Variants in RMC1 observed in about 807,000 individuals in gnomAD.
RMC1 encodes the protein regulator of MON1-CCZ1.
In RMC1, 44 loss-of-function variants were observed where a neutral mutation model predicts 95.5. The ratio of observed to expected loss-of-function variants is 0.46; its 90% CI spans 0.36 to 0.59. The LOEUF is 0.59. Ranked by LOEUF, RMC1 falls within the 20% of genes least tolerant of loss-of-function variation. The probability of loss-of-function intolerance (pLI) is 0.00; values close to 1 mark genes in which losing one functional copy is unlikely to be tolerated. For missense variants in RMC1, 705 were observed against 819.6 expected (o/e 0.86, Z 1.71); for synonymous variants, 320 against 303.6 (o/e 1.05, Z -0.56).
chr18:23,529,850 A>T, intron 16 of RMC1, 138 bp downstream of exon 16: 1 of 1,048,400 alleles, frequency 9.5e-7, no homozygotes, highest in South Asian at 1.5e-5. Context: ...TCCTGACATT[A>T]TTAGTTGGAA....
rs771012601 is a variant in RMC1, at chr18:23,503,726, G to T, written c.102+6G>T. Reference sequence around the variant, plus strand: ...TCGATGAGGCCAACAAGCAGGTCCGGCGCGCCCGCGCTTCCTCCCCCGCGC... The same window carrying T: ...TCGATGAGGCCAACAAGCAGGTCCGTCGCGCCCGCGCTTCCTCCCCCGCGC... On this transcript the variant is annotated splice_donor_region_variant and intron_variant, in intron 1 of 19. Transcript: ENST00000269221. The T allele has an allele frequency of 8.8e-6, 14 of 1,583,794 alleles. No individual in the cohort carries two copies. In the South Asian group the frequency reaches 1.1e-4, roughly 13 times the overall value.
At position 23,522,004 on chromosome 18, in the gene RMC1, C is replaced by T. The variant is rs76257976; in HGVS notation, c.961+1691C>T. On this transcript the variant is annotated intron_variant, in intron 10 of 19. Coordinates refer to ENST00000269221, the MANE Select transcript of RMC1 (RefSeq NM_013326.5). ...TAGTAGTAATGTTTTATTCTTTGTC[C>T]GATGGCATTGGGCGGGTTGACCCAG... Among the ~76,000 whole-genome samples the T allele has an allele frequency of 0.024, 3,615 of 152,282 alleles. 247 individuals are homozygous for T. In the East Asian group the frequency reaches 0.29, roughly 12 times the overall value.
chr18:23,524,607 T>A, intron 12 of RMC1, 125 bp downstream of exon 12: 1 of 951,842 alleles, frequency 1.1e-6, no homozygotes, highest in African/African-American at 1.7e-5. Flanking sequence ...AGCGTGGGAA[T>A]GGGATTTTTT....
chr18:23,522,818 C>G (rs1443616665), intron 10 of RMC1: 1 of 152,360 alleles, frequency 6.6e-6, no homozygotes, highest in Admixed American at 6.5e-5. Context: ...TTGTTTCCTG[C>G]TGGGCTGTGA....
chr18:23,504,589 T>G, intron 2 of RMC1, 142 bp downstream of exon 2: 1 of 673,546 alleles, frequency 1.5e-6, no homozygotes, highest in Non-Finnish European at 2.6e-6. Flanking sequence ...TTCCTGTCTG[T>G]AGGGAGGGTC....
chr18:23,518,844 T>G, intron 7 of RMC1, 46 bp from the exon 8 acceptor site: 1 of 1,570,506 alleles, frequency 6.4e-7, no homozygotes, highest in East Asian at 2.2e-5. Context: ...AACAAAGGAA[T>G]TTTGAATGGC....
intron 15 of RMC1, 76 bp from the exon 16 acceptor site, chr18:23,529,559 G>T (rs1249919743): frequency 1.5e-6 from 2 of 1,367,036 alleles, no homozygotes; most frequent in Non-Finnish European, 2.1e-6. Flanking sequence ...AACAAGGTGG[G>T]GGTTGGATAG....
chr18:23,530,390 C>T lies in RMC1; in HGVS notation c.1672C>T (p.Leu558Phe). 1 of 1,614,180 alleles carries T rather than the reference C, an allele frequency of 6.2e-7. No homozygotes were observed. Among genetic ancestry groups the T allele is most frequent in the Non-Finnish European group, 8.5e-7 (1 of 1,180,000 alleles). Residue 558 changes from leucine to phenylalanine, a missense_variant, in exon 19 of 20, where the codon CTT becomes TTT. Transcript: ENST00000269221. ...GACTTCTCTCCCTTACTGCTAGCGA[C>T]TTTCAACAGCAAATGATGAAATAGT... The part of the protein sequence containing the change: ...HQLSLDMLKR[L>F]STANDEIVEV...
intron 9 of RMC1, 134 bp from the exon 10 acceptor site, chr18:23,520,066 AGT>A: frequency 1.6e-6 from 1 of 633,536 alleles, no homozygotes; most frequent in Non-Finnish European, 2.9e-6. Context: ...TTCCTTCTCA[AGT>A]AAGAGCTAGC....
chr18:23,509,984 CT>C (rs71163612), intron 5 of RMC1, among the ~76,000 whole-genome samples: 51,271 of 121,906 alleles, frequency 0.42, 9,839 homozygotes, highest in Admixed American at 0.5. Context: ...GGATTTTATT[CT>C]TTTTTTTTTT....
At position 23,518,985 on chromosome 18, in the gene RMC1, T is replaced by C. The variant is rs561264252; in HGVS notation, c.743+6T>C. On this transcript the variant is annotated splice_donor_region_variant and intron_variant, in intron 8 of 19. Coordinates refer to ENST00000269221, the MANE Select transcript of RMC1 (RefSeq NM_013326.5). The stretch of plus-strand genomic sequence containing the variant: ...GTCCTCTATCATCTACCACGGTAGA[T>C]TTCATGCTTTGTTTTCCCTCTCTCT... 6.2e-7 allele frequency: 1 copy of C among 1,614,128 alleles called. No homozygotes were observed. The highest frequency in any genetic ancestry group is 2.2e-5 in the East Asian group (1 of 44,886).
chr18:23,507,123 A>C (rs1176301064), intron 3 of RMC1, 69 bp downstream of exon 3: 27 of 1,106,834 alleles, frequency 2.4e-5, no homozygotes, highest in Non-Finnish European at 3.3e-5. Context: ...AGGAATCGCA[A>C]ATTTTCAGTG....
At position 23,509,234 on chromosome 18, in the gene RMC1, A is replaced by C. The variant is rs750794402; in HGVS notation, c.363A>C (p.Ser121=). ...TTCTAGGATTCTGCTGGACTAGTTC[A>C]ACTGAAATTGTCTTCATAACAGATC... ...ANILGFCWTS[S]TEIVFITDQG... is the part of the protein sequence containing the mutation. The change falls in exon 5 of 20, where the codon TCA becomes TCC. Residue 121 remains serine, a synonymous_variant. Transcript: ENST00000269221. 2.0e-6 allele frequency: 3 copies of C among 1,468,296 alleles called. No homozygotes were observed. Among genetic ancestry groups the C allele is most frequent in the South Asian group, 1.6e-5 (1 of 62,338 alleles). 91.0% of individuals were successfully genotyped at this position (1,468,296 alleles called of 1,614,324 possible). A position where few individuals can be genotyped will look rare whatever the true frequency, so the allele number is the denominator to read the frequency against.
At position 23,512,545 on chromosome 18, in the gene RMC1, T is replaced by C. The variant is rs1014809786; in HGVS notation, c.408+3266T>C. Reference sequence around the variant, plus strand: ...ACGTAGTCCTCCCACCTCAGCTTCCTGAGTAGCTGGAACTACAGGTGTGTG... The same window carrying C: ...ACGTAGTCCTCCCACCTCAGCTTCCCGAGTAGCTGGAACTACAGGTGTGTG... On this transcript the variant is annotated intron_variant, in intron 5 of 19. Coordinates refer to ENST00000269221, the MANE Select transcript of RMC1 (RefSeq NM_013326.5). Among the ~76,000 whole-genome samples, 7 of 151,968 alleles carry C rather than the reference T, an allele frequency of 4.6e-5. No homozygotes were observed. In the South Asian group the frequency reaches 1.5e-3, roughly 32 times the overall value.
At chr18:23,505,204 C>T (rs907803983) in intron 2 of RMC1, among the ~76,000 whole-genome samples, 11 of 152,158 alleles carry the variant, frequency 7.2e-5, no homozygotes, top group Non-Finnish European at 1.6e-4. Context: ...ATTAGAGGCG[C>T]CCACCACCAC....
intron 11 of RMC1, 115 bp downstream of exon 11, chr18:23,524,289 C>A: frequency 6.7e-7 from 1 of 1,489,360 alleles, no homozygotes; most frequent in East Asian, 2.3e-5. Context: ...AGCCACCCCG[C>A]AGGCAGCTTC....
At chr18:23,513,193 A>T (rs1359284857) in intron 5 of RMC1, among the ~76,000 whole-genome samples, 1 of 152,118 alleles carries the variant, frequency 6.6e-6, no homozygotes, top group Non-Finnish European at 1.5e-5. Flanking sequence ...ACTTCAGGTG[A>T]TCCACTCACC....
At chr18:23,531,016 A>AATGATCAAC (rs1491270104) in intron 19 of RMC1, among the ~76,000 whole-genome samples, 4 of 151,786 alleles carry the variant, frequency 2.6e-5, no homozygotes, top group East Asian at 1.9e-4. Flanking sequence ...TTTTTTTGAG[A>AATGATCAAC]CAGAGTCTCG....
chr18:23,527,589 C>CTTTT (rs71163615), intron 13 of RMC1, among the ~76,000 whole-genome samples: 28 of 108,342 alleles, frequency 2.6e-4, no homozygotes, highest in Non-Finnish European at 3.9e-4. Context: ...CCTGCTATAG[C>CTTTT]TTTTTTTTTT....
Sources: allele counts gnomAD v4.1 joint callset (sites outside exome capture counted in the v4.1 genomes callset), GRCh38; gene constraint gnomAD v4.1.1; transcripts MANE v1.5; gene names NCBI Gene and HGNC (gene_info 2026-07-23, HGNC 2026-07-21).